SVEP1: variants seen among roughly 807,000 people sequenced by gnomAD.
SVEP1 encodes the protein sushi, von Willebrand factor type A, EGF and pentraxin domain-containing protein 1.
In SVEP1, 164 loss-of-function variants were observed where a neutral mutation model predicts 367.3. That is an observed-to-expected ratio of 0.45 (90% confidence interval 0.39 to 0.51). SVEP1 has a LOEUF of 0.51. SVEP1 is among the 20% of genes least tolerant of loss of function. The pLI is 0.00. For synonymous variants in SVEP1, 1,666 were observed against 1,611.6 expected (o/e 1.03, Z -0.81); for missense variants, 4,117 against 4,425.3 (o/e 0.93, Z 1.98).
Position 110,479,805 on chromosome 9 carries a change from CA to C in SVEP1, c.2366-50del, listed in dbSNP as rs767243143. 3 of 1,572,788 alleles carry C rather than the reference CA, an allele frequency of 1.9e-6. No homozygotes were observed. The African/African-American group carries it at 4.2e-5, about 22-fold the overall frequency. On this transcript the variant is annotated intron_variant, in intron 12 of 47. Transcript: ENST00000374469. Reference sequence around the variant, plus strand: ...CTTCAGTTGGTTAGTGTTTTTAAAACAAAGATTTGACTTTCTATGAAATAAT... The same window carrying C: ...CTTCAGTTGGTTAGTGTTTTTAAAACAAGATTTGACTTTCTATGAAATAAT...
chr9:110,510,583 G>A (rs567796348), intron 5 of SVEP1, among the ~76,000 whole-genome samples: 11 of 152,268 alleles, frequency 7.2e-5, no homozygotes, highest in African/African-American at 2.4e-4. Flanking sequence ...TCAAAGGGCC[G>A]GCTTCCTGAG....
intron 9 of SVEP1, 30 bp from the exon 10 acceptor site, chr9:110,483,723 C>T (rs763198522): frequency 1.3e-6 from 2 of 1,513,066 alleles, no homozygotes; most frequent in Non-Finnish European, 8.9e-7. Context: ...ACAAAGAAGT[C>T]ACAGCTGATA....
At chr9:110,408,982 G>T (rs16914997) in intron 37 of SVEP1, 31 bp from the exon 38 acceptor site, 2 of 1,526,946 alleles carry the variant, frequency 1.3e-6, no homozygotes, top group African/African-American at 2.8e-5. Context: ...AAGTGAGTGC[G>T]ATTTGTATAA....
chr9:110,572,637 T>A (rs13296509), intron 1 of SVEP1, among the ~76,000 whole-genome samples: 22,526 of 151,796 alleles, frequency 0.15, 1,783 homozygotes, highest in South Asian at 0.24. Flanking sequence ...CGAGGTGGGC[T>A]GGTCACTTGA....
intron 3 of SVEP1, among the ~76,000 whole-genome samples, chr9:110,535,105 A>C (rs558887448): frequency 6.6e-6 from 1 of 152,156 alleles, no homozygotes; most frequent in African/African-American, 2.4e-5. Flanking sequence ...TCCTATGTCC[A>C]GAATGGTATT....
chr9:110,400,009 T>A (rs568608642), intron 40 of SVEP1, among the ~76,000 whole-genome samples: 37 of 152,318 alleles, frequency 2.4e-4, no homozygotes, highest in African/African-American at 8.7e-4. Context: ...AACAGAGACC[T>A]AGGTGCTGCG....
chr9:110,526,299 G>A (rs909822134), intron 3 of SVEP1, among the ~76,000 whole-genome samples: 5 of 152,036 alleles, frequency 3.3e-5, no homozygotes, highest in African/African-American at 9.7e-5. Context: ...GGACTAGTAT[G>A]TAGACTATAT....
chr9:110,556,489 G>T (rs1443256186), intron 1 of SVEP1, among the ~76,000 whole-genome samples: 1 of 151,976 alleles, frequency 6.6e-6, no homozygotes, highest in East Asian at 1.9e-4. Context: ...GTCTTTTTTT[G>T]TTGTTGTTTT....
chr9:110,518,421 C>CA (rs759436270), intron 3 of SVEP1, among the ~76,000 whole-genome samples: 2,879 of 129,676 alleles, frequency 0.022, 30 homozygotes, highest in Non-Finnish European at 0.029. Flanking sequence ...GACTCCATCT[C>CA]AAAAAAAAAA....
intron 1 of SVEP1, among the ~76,000 whole-genome samples, chr9:110,569,096 A>T (rs1293426831): frequency 6.6e-6 from 1 of 152,098 alleles, no homozygotes; most frequent in African/African-American, 2.4e-5. Context: ...CTGTCTCAAA[A>T]AAATAAATAA....
At position 110,544,664 on chromosome 9, in the gene SVEP1, C is replaced by T. The variant is rs139109108; in HGVS notation, c.964+1451G>A. 3.9e-3 allele frequency among the ~76,000 whole-genome samples: 586 copies of T among 152,176 alleles called. 5 individuals carry two copies. Among genetic ancestry groups the T allele is most frequent in the African/African-American group, 0.013 (558 of 41,512 alleles). ...AATTGACGTGTAACAACTATTCACA[C>T]GCATGGGGCACAGTAAGATATTTTA... On this transcript the variant is annotated intron_variant, in intron 3 of 47. Coordinates refer to ENST00000374469, the MANE Select transcript of SVEP1 (RefSeq NM_153366.4).
intron 6 of SVEP1, 23 bp downstream of exon 6, chr9:110,503,015 C>T (rs779315350): frequency 2.2e-5 from 35 of 1,601,982 alleles, no homozygotes; most frequent in Non-Finnish European, 2.9e-5. Context: ...TCACTCAAGG[C>T]ATTACACCTT....
intron 37 of SVEP1, 105 bp from the exon 38 acceptor site, chr9:110,409,056 A>G: frequency 8.0e-7 from 1 of 1,250,632 alleles, no homozygotes; most frequent in Non-Finnish European, 1.1e-6. Context: ...TGTTAAAATG[A>G]ATCAATTAGG....
chr9:110,455,387 T>C (rs1828762510), intron 22 of SVEP1, among the ~76,000 whole-genome samples: 2 of 152,240 alleles, frequency 1.3e-5, no homozygotes, highest in Non-Finnish European at 2.9e-5. Flanking sequence ...TACTGCCATA[T>C]TGATATCTTG....
At chr9:110,507,020 A>T (rs1042568593) in intron 5 of SVEP1, among the ~76,000 whole-genome samples, 14 of 152,220 alleles carry the variant, frequency 9.2e-5, no homozygotes, top group Admixed American at 7.9e-4. Flanking sequence ...CATTCCATTC[A>T]CGAACAGAGA....
chr9:110,380,176 G>A (rs112269933), intron 43 of SVEP1, among the ~76,000 whole-genome samples: 23 of 152,154 alleles, frequency 1.5e-4, no homozygotes, highest in South Asian at 4.2e-4. Flanking sequence ...GGACATATGC[G>A]TATATTTAAA....
At chr9:110,423,618 A>G (rs780670205) in intron 36 of SVEP1, among the ~76,000 whole-genome samples, 6 of 152,120 alleles carry the variant, frequency 3.9e-5, no homozygotes, top group Non-Finnish European at 7.4e-5. Context: ...AAGCCTGACA[A>G]AAAAAATCCC....
intron 6 of SVEP1, among the ~76,000 whole-genome samples, chr9:110,500,590 C>T (rs1045808407): frequency 1.3e-5 from 2 of 151,978 alleles, no homozygotes; most frequent in African/African-American, 4.8e-5. Flanking sequence ...TTATCTTTTA[C>T]CTTATCTTTA....
At chr9:110,448,880 CCTT>C (rs753546600) in intron 24 of SVEP1, among the ~76,000 whole-genome samples, 1 of 152,126 alleles carries the variant, frequency 6.6e-6, no homozygotes, top group Non-Finnish European at 1.5e-5. Flanking sequence ...GGCAGAGTTG[CCTT>C]CTTATTTCTT....
Sources: allele counts gnomAD v4.1 joint callset (sites outside exome capture counted in the v4.1 genomes callset), GRCh38; gene constraint gnomAD v4.1.1; transcripts MANE v1.5; gene names NCBI Gene and HGNC (gene_info 2026-07-23, HGNC 2026-07-21).